The following AP2A2 variants were observed in gnomAD, a reference collection of about 807,000 sequenced individuals.
AP2A2 encodes the protein adaptor related protein complex 2 subunit alpha 2.
Under a neutral mutation model 104.2 loss-of-function variants are expected in AP2A2, and 32 were observed. The observed-to-expected ratio is 0.31, with a 90% confidence interval of 0.23 to 0.41. AP2A2 has a LOEUF of 0.41. Among genes scored for constraint, AP2A2 ranks in the 10% least tolerant of loss-of-function variants. The pLI is 1.00. For missense variants in AP2A2, 912 were observed against 1,261.0 expected (o/e 0.72, Z 4.19); for synonymous variants, 539 against 533.3 (o/e 1.01, Z -0.15).
At position 1,009,846 on chromosome 11, in the gene AP2A2, A is replaced by G. The variant is rs1265667870; in HGVS notation, c.2742+29A>G. On this transcript the variant is annotated intron_variant, in intron 21 of 21. Coordinates refer to ENST00000448903, the MANE Select transcript of AP2A2 (RefSeq NM_012305.4). The stretch of plus-strand genomic sequence containing the variant: ...AGGCCCTCAGGAAATGGTGGAACAC[A>G]CTTGAGTTGCTTTTTATTCTGGCAC... The G allele has an allele frequency of 4.6e-6, 7 of 1,525,932 alleles. No homozygotes were observed. In the Admixed American group the frequency reaches 6.0e-5, roughly 13 times the overall value. 94.5% of individuals were successfully genotyped at this position (1,525,932 alleles called of 1,614,324 possible). A position where few individuals can be genotyped will look rare whatever the true frequency, so the allele number is the denominator to read the frequency against.
At chr11:949,638 G>T (rs949140210) in intron 1 of AP2A2, among the ~76,000 whole-genome samples, 1 of 152,050 alleles carries the variant, frequency 6.6e-6, no homozygotes, top group Non-Finnish European at 1.5e-5. Context: ...AGCTGGGTGT[G>T]GTGGCATGTG....
At chr11:950,415 T>G (rs1293176402) in intron 1 of AP2A2, among the ~76,000 whole-genome samples, 1 of 151,892 alleles carries the variant, frequency 6.6e-6, no homozygotes, top group East Asian at 1.9e-4. Flanking sequence ...TTCAAGAGAT[T>G]CTTCTGCCTC....
At chr11:978,701 A>G (rs759501102) in intron 5 of AP2A2, among the ~76,000 whole-genome samples, 8 of 152,296 alleles carry the variant, frequency 5.3e-5, no homozygotes, top group South Asian at 2.1e-4. Flanking sequence ...CACCTCTGAC[A>G]GCGAAGGCCT....
rs546835879 is a variant in AP2A2, at chr11:939,247, C to CAA, written c.67+13177_67+13178dup. On this transcript the variant is annotated intron_variant, in intron 1 of 21. Coordinates refer to ENST00000448903, the MANE Select transcript of AP2A2 (RefSeq NM_012305.4). ...GCCTGGTGACAGCAAGACTCTGTCTCAAAAAAAAAAAAAAAAAAAGGTTTA... is the reference window on the plus strand; with the variant it reads ...GCCTGGTGACAGCAAGACTCTGTCTCAAAAAAAAAAAAAAAAAAAAAGGTTTA... Among the ~76,000 whole-genome samples the CAA allele has an allele frequency of 7.8e-3, 401 of 51,388 alleles. 3 individuals are homozygous for CAA. Among genetic ancestry groups the CAA allele is most frequent in the African/African-American group, 0.023 (338 of 14,672 alleles). 33.7% of individuals were successfully genotyped at this position (51,388 alleles called of 152,430 possible).
chr11:930,559 C>T (rs1032435518), intron 1 of AP2A2, among the ~76,000 whole-genome samples: 3 of 151,384 alleles, frequency 2.0e-5, no homozygotes, highest in South Asian at 2.1e-4. Context: ...TGCGCTCTGT[C>T]GCCCAGGCTG....
At chr11:947,521 C>T (rs954884519) in intron 1 of AP2A2, among the ~76,000 whole-genome samples, 4 of 152,090 alleles carry the variant, frequency 2.6e-5, no homozygotes, top group Admixed American at 2.0e-4. Context: ...GTTGGCTGGG[C>T]GCGGTGGCTC....
chr11:981,103 T>G, intron 5 of AP2A2, 95 bp from the exon 6 acceptor site: 1 of 1,029,434 alleles, frequency 9.7e-7, no homozygotes. Flanking sequence ...GCTGCCACTG[T>G]GCTGCTGGTT....
intron 1 of AP2A2, chr11:940,765 C>T (rs1258528334): frequency 2.2e-6 from 1 of 454,770 alleles, no homozygotes; most frequent in East Asian, 6.9e-5. Flanking sequence ...TGGCTGTCCA[C>T]CCATGTGTAC....
intron 4 of AP2A2, among the ~76,000 whole-genome samples, chr11:972,989 TCTGGAAGAGCTTAAAGCAACC>T (rs1299828727): frequency 1.3e-5 from 2 of 152,324 alleles, no homozygotes; most frequent in East Asian, 3.9e-4. Flanking sequence ...AGTCACCAGC[TCTGGAAGAGCTTAAAGCAACC>T]CTGGGGTGTC....
At chr11:956,118 T>C (rs1025859124) in intron 1 of AP2A2, among the ~76,000 whole-genome samples, 7 of 152,200 alleles carry the variant, frequency 4.6e-5, no homozygotes, top group Non-Finnish European at 1.0e-4. Flanking sequence ...GGTGAGAGGA[T>C]TGCTTGAGCT....
At chr11:994,597 G>A (rs1855784362) in intron 14 of AP2A2, among the ~76,000 whole-genome samples, 4 of 145,384 alleles carry the variant, frequency 2.8e-5, no homozygotes, top group African/African-American at 5.1e-5. Flanking sequence ...GTCCTGTCCC[G>A]GGGGCCACTG....
chr11:938,340 C>T (rs1220166525), intron 1 of AP2A2, among the ~76,000 whole-genome samples: 1 of 152,144 alleles, frequency 6.6e-6, no homozygotes, highest in Non-Finnish European at 1.5e-5. Context: ...CCCGTTAACC[C>T]CTTGTAGTTT....
At chr11:1,009,546 A>AAC (rs1564825405) in intron 20 of AP2A2, 137 bp from the exon 21 acceptor site, 1 of 1,160,006 alleles carries the variant, frequency 8.6e-7, no homozygotes, top group East Asian at 3.2e-5. Context: ...CCCGCGACCC[A>AAC]GCGCCAGGGT....
intron 1 of AP2A2, chr11:947,034 G>C (rs769115888): frequency 1.4e-5 from 2 of 143,634 alleles, no homozygotes; most frequent in African/African-American, 2.6e-5. Context: ...TTTTGAGACG[G>C]AGTCTCCCTC....
intron 4 of AP2A2, among the ~76,000 whole-genome samples, chr11:974,956 G>T (rs1481953013): frequency 2.0e-5 from 3 of 152,198 alleles, no homozygotes; most frequent in African/African-American, 7.2e-5. Flanking sequence ...CTGTACTCCA[G>T]CCTGGCGAAA....
At chr11:962,613 G>A (rs1854479484) in intron 2 of AP2A2, among the ~76,000 whole-genome samples, 1 of 151,962 alleles carries the variant, frequency 6.6e-6, no homozygotes, top group Admixed American at 6.6e-5. Flanking sequence ...CGTGCCTATA[G>A]TCCCAGCTAC....
intron 10 of AP2A2, among the ~76,000 whole-genome samples, chr11:990,351 C>G (rs1165053688): frequency 6.6e-6 from 1 of 152,202 alleles, no homozygotes; most frequent in African/African-American, 2.4e-5. Flanking sequence ...TGGTCCCTCT[C>G]TGGCCTGGCT....
Position 959,331 on chromosome 11 carries a change from C to T in AP2A2, c.68-106C>T, listed in dbSNP as rs577068390. On this transcript the variant is annotated intron_variant, in intron 1 of 21. Transcript: ENST00000448903. ...CTTCGGCTTTTCTCCTGCCTTGAAA[C>T]GGGGCCTCATCCCATTCGTGAGTTC... 1.7e-5 allele frequency: 13 copies of T among 771,526 alleles called. 1 individual carries two copies. Among genetic ancestry groups the T allele is most frequent in the Admixed American group, 8.4e-5 (3 of 35,842 alleles). 47.8% of individuals were successfully genotyped at this position (771,526 alleles called of 1,614,324 possible). A position where few individuals can be genotyped will look rare whatever the true frequency, so the allele number is the denominator to read the frequency against.
At chr11:965,931 C>T (rs551921412) in intron 2 of AP2A2, among the ~76,000 whole-genome samples, 5 of 152,318 alleles carry the variant, frequency 3.3e-5, no homozygotes, top group African/African-American at 9.6e-5. Flanking sequence ...GCCTTGACTT[C>T]CTGGGCTCAG....
Sources: allele counts gnomAD v4.1 joint callset (sites outside exome capture counted in the v4.1 genomes callset), GRCh38; gene constraint gnomAD v4.1.1; transcripts MANE v1.5; gene names NCBI Gene and HGNC (gene_info 2026-07-23, HGNC 2026-07-21).